CDH26: variants seen among roughly 807,000 people sequenced by gnomAD.
CDH26 encodes cadherin-like protein 26.
A neutral mutation model predicts 90.3 loss-of-function variants in CDH26; 83 were observed. That is an observed-to-expected ratio of 0.92 (90% CI 0.77 to 1.10). CDH26 has a LOEUF of 1.10. Ranked by LOEUF, CDH26 falls within the 50% of genes least tolerant of loss-of-function variation. CDH26 has a pLI of 0.00. For synonymous variants in CDH26, 397 were observed against 396.3 expected (o/e 1.00, Z -0.02); for missense variants, 1,013 against 1,037.6 (o/e 0.98, Z 0.33).
At chr20:59,982,294 T>C (rs966433611) in intron 4 of CDH26, among the ~76,000 whole-genome samples, 10 of 152,234 alleles carry the variant, frequency 6.6e-5, no homozygotes, top group African/African-American at 2.4e-4. Flanking sequence ...CTCTTACCTT[T>C]ACTATTGCTT....
intron 4 of CDH26, among the ~76,000 whole-genome samples, chr20:59,974,326 G>C (rs562981906): frequency 6.6e-6 from 1 of 152,234 alleles, no homozygotes; most frequent in African/African-American, 2.4e-5. Flanking sequence ...AGAGTAAACA[G>C]ACAACCTGCA....
intron 5 of CDH26, among the ~76,000 whole-genome samples, chr20:59,983,452 C>A (rs77038928): frequency 0.029 from 4,405 of 152,204 alleles, 118 homozygotes; most frequent in African/African-American, 0.064. Context: ...TTCTTAAACC[C>A]AACCGACTCT....
At chr20:60,025,570 G>A (rs1036075617) in intron 7 of CDH26, among the ~76,000 whole-genome samples, 27 of 152,318 alleles carry the variant, frequency 1.8e-4, no homozygotes, top group African/African-American at 5.8e-4. Flanking sequence ...CAGCCTCAGC[G>A]ACACCCTTCT....
intron 7 of CDH26, among the ~76,000 whole-genome samples, chr20:60,026,477 C>T (rs1052599940): frequency 4.0e-5 from 6 of 150,792 alleles, no homozygotes; most frequent in South Asian, 2.1e-4. Flanking sequence ...TCACAGAGAC[C>T]GGAAGCAAGA....
intron 4 of CDH26, among the ~76,000 whole-genome samples, chr20:59,976,880 C>T (rs1225553290): frequency 6.6e-6 from 1 of 152,074 alleles, no homozygotes; most frequent in Non-Finnish European, 1.5e-5. Context: ...GACATTTAGG[C>T]CCCTGAGGAA....
intron 4 of CDH26, among the ~76,000 whole-genome samples, chr20:59,972,887 A>C (rs1368621812): frequency 6.6e-6 from 1 of 152,222 alleles, no homozygotes; most frequent in Non-Finnish European, 1.5e-5. Flanking sequence ...GTACTTATAT[A>C]CACAATAAAA....
intron 8 of CDH26, among the ~76,000 whole-genome samples, chr20:59,988,453 T>C (rs1236018778): frequency 6.6e-6 from 1 of 152,212 alleles, no homozygotes; most frequent in African/African-American, 2.4e-5. Flanking sequence ...ATAGCAAGGC[T>C]CTGTAGACGC....
At chr20:60,033,646 T>G (rs201876895) in exon 9 of CDH26, 8 of 1,304,102 alleles carry the variant, frequency 6.1e-6, no homozygotes, top group Non-Finnish European at 3.0e-6. Context: ...AATCGGCAGG[T>G]GGTCACAATT....
intron 1 of CDH26, among the ~76,000 whole-genome samples, chr20:59,959,360 G>A (rs938970835): frequency 5.3e-5 from 8 of 150,122 alleles, no homozygotes; most frequent in East Asian, 2.0e-4. Context: ...TTGCCCTTCC[G>A]AAGTGTTGGG....
intron 4 of CDH26, among the ~76,000 whole-genome samples, chr20:59,972,336 G>A (rs537373416): frequency 6.6e-6 from 1 of 152,296 alleles, no homozygotes; most frequent in South Asian, 2.1e-4. Flanking sequence ...CAATCGATGT[G>A]AGCTGCTATA....
At chr20:60,021,452 G>A (rs1224701270) in intron 7 of CDH26, among the ~76,000 whole-genome samples, 1 of 152,146 alleles carries the variant, frequency 6.6e-6, no homozygotes, top group Non-Finnish European at 1.5e-5. Flanking sequence ...TAGAAAAAGT[G>A]TGCTTGACTC....
chr20:60,005,116 T>G (rs2061729087), intron 16 of CDH26, among the ~76,000 whole-genome samples: 1 of 152,160 alleles, frequency 6.6e-6, no homozygotes, highest in African/African-American at 2.4e-5. Flanking sequence ...CACTTCTACT[T>G]AATGAATAGT....
At chr20:59,961,567 A>G (rs933124167) in intron 1 of CDH26, among the ~76,000 whole-genome samples, 3 of 152,104 alleles carry the variant, frequency 2.0e-5, no homozygotes, top group Admixed American at 2.0e-4. Flanking sequence ...CATCTGTGAC[A>G]TCTATGACAG....
chr20:60,029,654 G>T (rs150529685), intron 7 of CDH26, among the ~76,000 whole-genome samples: 156 of 151,666 alleles, frequency 1.0e-3, no homozygotes, highest in African/African-American at 3.7e-3. Context: ...CCCCGCAACA[G>T]GCCCCAGTGT....
chr20:60,022,861 TATG>T (rs2061968924), intron 7 of CDH26, among the ~76,000 whole-genome samples: 1 of 152,232 alleles, frequency 6.6e-6, no homozygotes, highest in Non-Finnish European at 1.5e-5. Context: ...TTTGTGCAAG[TATG>T]AGGCTGCAGA....
chr20:59,990,961 C>G (rs1238033968), intron 9 of CDH26, among the ~76,000 whole-genome samples: 2 of 152,070 alleles, frequency 1.3e-5, no homozygotes, highest in Non-Finnish European at 2.9e-5. Context: ...CCTCCACCTC[C>G]CAGGTTCTTG....
rs147041325 is a variant in CDH26, at chr20:59,999,174, G to C, written c.2020-412G>C. Among the ~76,000 whole-genome samples, 441 of 152,274 alleles carry C rather than the reference G, an allele frequency of 2.9e-3. 4 individuals are homozygous for C. Among genetic ancestry groups the C allele is most frequent in the African/African-American group, 9.7e-3 (402 of 41,556 alleles). ...ACAGAAATCCAGCACCCATCAACCT[G>C]AGTCCCTCAGTGAACATATATGTTG... On this transcript the variant is annotated intron_variant, in intron 13 of 17. Coordinates refer to ENST00000348616, the MANE Select transcript of CDH26 (RefSeq NM_177980.4).
At chr20:60,033,627 A>G (rs2062061637) in exon 9 of CDH26, 8 of 1,304,786 alleles carry the variant, frequency 6.1e-6, no homozygotes, top group Non-Finnish European at 8.1e-6. Flanking sequence ...CCAGGAGACT[A>G]CAGAGGAGAA....
chr20:60,028,146 G>A (rs2062013325), intron 7 of CDH26, among the ~76,000 whole-genome samples: 1 of 152,204 alleles, frequency 6.6e-6, no homozygotes, highest in Admixed American at 6.5e-5. Context: ...TGAACAAGGT[G>A]CTGAGCAGGG....
Sources: allele counts gnomAD v4.1 joint callset (sites outside exome capture counted in the v4.1 genomes callset), GRCh38; gene constraint gnomAD v4.1.1; transcripts MANE v1.5; gene names NCBI Gene and HGNC (gene_info 2026-07-23, HGNC 2026-07-21).